The following NBPF14 variants were observed in gnomAD, a reference collection of about 807,000 sequenced individuals.
NBPF14 encodes NBPF family member NBPF14.
A neutral mutation model predicts 91.2 loss-of-function variants in NBPF14; 104 were observed. That is an observed-to-expected ratio of 1.14 (90% CI 0.97 to 1.34). NBPF14 has a LOEUF of 1.34. NBPF14 is among the 40% of genes most tolerant of loss of function. NBPF14 has a pLI of 0.00. For missense variants in NBPF14, 908 were observed against 783.0 expected, an observed-to-expected ratio of 1.16 and a Z score of -1.91; for synonymous variants, 294 against 303.8, an observed-to-expected ratio of 0.97 and a Z score of 0.34.
chr1:148,560,210 A>G (rs1657551376), intron 36 of NBPF14, among the ~76,000 whole-genome samples: 1 of 151,204 alleles, frequency 6.6e-6, no homozygotes, highest in Admixed American at 6.6e-5. Flanking sequence ...AAAGTGACCT[A>G]GTGAATTGGC....
At chr1:148,532,076 TAACTA>T (rs1348196842) in exon 71 of NBPF14, 7 of 152,150 alleles carry the variant, frequency 4.6e-5, no homozygotes, top group Non-Finnish European at 1.0e-4. Context: ...GGGTTCAAAA[TAACTA>T]AAGAAATGCA....
At chr1:148,533,776 G>A (rs1654264033) in intron 70 of NBPF14, 85 bp downstream of exon 70, 4 of 763,152 alleles carry the variant, frequency 5.2e-6, no homozygotes, top group Admixed American at 3.4e-5. Flanking sequence ...TTGAAAATAT[G>A]ACATCAAACA....
At chr1:148,559,314 CA>C in intron 37 of NBPF14, among the ~76,000 whole-genome samples, 1 of 123,484 alleles carries the variant, frequency 8.1e-6, no homozygotes, top group East Asian at 2.5e-4. Context: ...TCATTTGTCC[CA>C]AGTTTGTGCA....
intron 40 of NBPF14, among the ~76,000 whole-genome samples, chr1:148,557,092 AGAGAG>A: frequency 1.3e-5 from 1 of 78,448 alleles, no homozygotes; most frequent in African/African-American, 9.5e-5. Context: ...ACACACAGAG[AGAGAG>A]AGAGAACGAG....
rs1399159719 is a variant in NBPF14, at chr1:148,593,580, C to T, written c.278+18G>A. 1.0e-4 allele frequency: 159 copies of T among 1,573,368 alleles called. 1 individual carries two copies. The South Asian group carries it at 1.7e-3, about 16-fold the overall frequency. On this transcript the variant is annotated intron_variant, in intron 3 of 70. Transcript: ENST00000619423. The stretch of plus-strand genomic sequence containing the variant: ...CTACACACCTACCCGCCTGCCTCCC[C>T]CTACGGGGTCCCCTCACCTGAGCTC...
At chr1:148,566,116 T>C (rs1658218154) in intron 29 of NBPF14, 27 bp downstream of exon 29, 6 of 466,576 alleles carry the variant, frequency 1.3e-5, no homozygotes, top group Non-Finnish European at 2.2e-5. Flanking sequence ...CAGTGGATCC[T>C]TATCACCTTC....
intron 8 of NBPF14, 135 bp downstream of exon 8, chr1:148,587,166 G>A (rs1411726492): frequency 8.4e-6 from 6 of 715,088 alleles, no homozygotes; most frequent in Non-Finnish European, 1.2e-5. Context: ...ATAAATATTT[G>A]TGTGTAGCGA....
rs1165798585 is a variant in NBPF14, at chr1:148,557,657, C to A, written c.4955-115G>T. On this transcript the variant is annotated intron_variant, in intron 39 of 70. Coordinates refer to ENST00000619423, the Ensembl canonical transcript of NBPF14. ...AGGCTCCTCAGCATGAGAACAGGACCATGTGAGAGATATACTTCAGGAGGC... is the reference window on the plus strand; with the variant it reads ...AGGCTCCTCAGCATGAGAACAGGACAATGTGAGAGATATACTTCAGGAGGC... 3.9e-4 allele frequency: 237 copies of A among 611,588 alleles called. 26 individuals are homozygous for A. The highest frequency in any genetic ancestry group is 1.3e-3 in the Middle Eastern group (3 of 2,240). 37.9% of individuals were successfully genotyped at this position (611,588 alleles called of 1,614,324 possible).
At chr1:148,561,898 C>T (rs1657867830) in intron 34 of NBPF14, among the ~76,000 whole-genome samples, 2 of 129,738 alleles carry the variant, frequency 1.5e-5, no homozygotes, top group Non-Finnish European at 1.5e-5. Context: ...AGTAACAGGA[C>T]ACTCTGAGTT....
chr1:148,578,193 A>C (rs1384681279), intron 13 of NBPF14, among the ~76,000 whole-genome samples, 159 bp from the exon 14 acceptor site: 2 of 152,000 alleles, frequency 1.3e-5, no homozygotes, highest in Non-Finnish European at 2.9e-5. Context: ...AAGTCTTGAG[A>C]AAACTGGCTT....
chr1:148,535,567 A>T, intron 67 of NBPF14, 63 bp from the exon 68 acceptor site: 1 of 277,832 alleles, frequency 3.6e-6, no homozygotes, highest in East Asian at 7.8e-5. Context: ...ATAACAATCC[A>T]CTGTCTAATC....
chr1:148,561,781 A>G (rs1657786540), intron 34 of NBPF14, among the ~76,000 whole-genome samples: 1 of 120,410 alleles, frequency 8.3e-6, no homozygotes. Context: ...AGATAGACAC[A>G]CACACACACA....
At chr1:148,566,500 G>A (rs1185955533) in intron 28 of NBPF14, among the ~76,000 whole-genome samples, 185 bp from the exon 29 acceptor site, 2 of 120,148 alleles carry the variant, frequency 1.7e-5, no homozygotes, top group African/African-American at 3.4e-5. Context: ...GAATGAAAGA[G>A]AAAGACAGAC....
At position 148,589,928 on chromosome 1, in the gene NBPF14, C is replaced by T. The variant is rs1283449633; in HGVS notation, c.779-535G>A. On this transcript the variant is annotated intron_variant, in intron 6 of 70. Transcript: ENST00000619423. ...TGTATTCTTAGTAGAGATGGGGTTT[C>T]GCCATCTTGGACAGGCTGGTTTCGA... 6.8e-5 allele frequency among the ~76,000 whole-genome samples: 10 copies of T among 146,652 alleles called. 1 individual carries two copies. Among genetic ancestry groups the T allele is most frequent in the Admixed American group, 2.7e-4 (4 of 14,712 alleles).
intron 28 of NBPF14, among the ~76,000 whole-genome samples, chr1:148,566,531 ACAC>A: frequency 8.0e-6 from 1 of 125,124 alleles, no homozygotes; most frequent in African/African-American, 2.7e-5. Flanking sequence ...ACACACACAC[ACAC>A]ACACACAAAC....
At chr1:148,561,982 A>C (rs1657902013) in intron 34 of NBPF14, among the ~76,000 whole-genome samples, 1 of 69,236 alleles carries the variant, frequency 1.4e-5, no homozygotes, top group Non-Finnish European at 2.4e-5. Flanking sequence ...AAATGTGCTC[A>C]AGTTTCCATG....
intron 15 of NBPF14, 147 bp downstream of exon 15, chr1:148,577,036 C>A: frequency 3.2e-6 from 2 of 634,136 alleles, no homozygotes; most frequent in Non-Finnish European, 5.7e-6. Flanking sequence ...CCAAGTGGAA[C>A]TAGAGTTTCA....
At chr1:148,534,810 C>T (rs1303014041) in exon 69 of NBPF14, 12 of 1,057,802 alleles carry the variant, frequency 1.1e-5, no homozygotes, top group East Asian at 2.4e-5. Context: ...TCCAGTGAGT[C>T]CTGCAAGACT....
At chr1:148,535,614 A>T in intron 67 of NBPF14, 110 bp from the exon 68 acceptor site, 1 of 231,216 alleles carries the variant, frequency 4.3e-6, no homozygotes, top group Non-Finnish European at 7.8e-6. Flanking sequence ...GCATGAGAAT[A>T]GGACACTGTG....
Sources: gnomAD v4.1 joint callset for allele counts (sites outside exome capture counted in the v4.1 genomes callset) on GRCh38, gnomAD v4.1.1 for gene constraint, MANE v1.5 for transcripts, NCBI Gene and HGNC (gene_info 2026-07-23, HGNC 2026-07-21) for gene names.